MCTP1: variants seen among roughly 807,000 people sequenced by gnomAD.
MCTP1 encodes multiple C2 and transmembrane domain-containing protein 1.
Under a neutral mutation model 120.6 loss-of-function variants are expected in MCTP1, and 69 were observed. That is an observed-to-expected ratio of 0.57 (90% CI 0.47 to 0.70). MCTP1 has a LOEUF of 0.70. Ranked by LOEUF, MCTP1 falls within the 30% of genes least tolerant of loss-of-function variation. MCTP1 has a pLI of 0.00. For synonymous variants in MCTP1, 529 were observed against 493.1 expected (o/e 1.07, Z -0.96); for missense variants, 1,203 against 1,248.8 (o/e 0.96, Z 0.55).
At chr5:94,788,830 C>T (rs1189540302) in intron 18 of MCTP1, 1 of 152,168 alleles carries the variant, frequency 6.6e-6, no homozygotes, top group Non-Finnish European at 1.5e-5. Flanking sequence ...AGTCTTACAT[C>T]TCAATTACGG....
intron 19 of MCTP1, among the ~76,000 whole-genome samples, chr5:94,717,696 A>G (rs1759827370): frequency 6.6e-6 from 1 of 152,186 alleles, no homozygotes; most frequent in Admixed American, 6.5e-5. Context: ...ATCAATGTGC[A>G]AAAATTTCTA....
At chr5:94,953,401 G>T in intron 2 of MCTP1, 40 bp from the exon 3 acceptor site, 1 of 1,468,862 alleles carries the variant, frequency 6.8e-7, no homozygotes, top group Non-Finnish European at 9.1e-7. Flanking sequence ...ATCATGACTT[G>T]GTTTGGAAGC....
chr5:94,931,848 G>A (rs1013337877), intron 6 of MCTP1, 105 bp downstream of exon 6: 6 of 858,712 alleles, frequency 7.0e-6, no homozygotes, highest in African/African-American at 1.7e-5. Flanking sequence ...CAATTGAATA[G>A]TATGAAATCT....
At chr5:95,023,518 G>A (rs66648054) in intron 1 of MCTP1, among the ~76,000 whole-genome samples, 9,983 of 152,202 alleles carry the variant, frequency 0.066, 344 homozygotes, top group Middle Eastern at 0.089. Context: ...TGACACCCAC[G>A]GTAGACAGCA....
chr5:94,888,963 T>C lies in MCTP1; in HGVS notation c.1849A>G (p.Arg617Gly). 6.2e-7 allele frequency: 1 copy of C among 1,612,146 alleles called. No individual in the cohort carries two copies. Among genetic ancestry groups the C allele is most frequent in the Non-Finnish European group, 8.5e-7 (1 of 1,178,210 alleles). Reference sequence around the variant, plus strand: ...ACATCTTTCAGGTTGTGAAATATCCTCAATGGGCTCTGAAAGACCCCAACA... The same window carrying C: ...ACATCTTTCAGGTTGTGAAATATCCCCAATGGGCTCTGAAAGACCCCAACA... ...EEILKRYSPLRIFHNLKDVGF... is the reference protein window; with the variant it reads ...EEILKRYSPLGIFHNLKDVGF... Residue 617 changes from arginine (R) to glycine (G), a missense_variant, in exon 12 of 23, where the codon AGG becomes GGG. By Grantham distance (125) the Arg-to-Gly change is moderately radical (BLOSUM62 -2). Transcript: ENST00000515393.
intron 1 of MCTP1, among the ~76,000 whole-genome samples, chr5:95,125,034 G>C (rs1364783418): frequency 6.6e-6 from 1 of 152,136 alleles, no homozygotes; most frequent in Non-Finnish European, 1.5e-5. Context: ...AATGGACTTT[G>C]ATACTTAAAC....
chr5:94,901,308 A>AC (rs762668273), intron 10 of MCTP1, among the ~76,000 whole-genome samples: 13 of 152,124 alleles, frequency 8.5e-5, no homozygotes, highest in Admixed American at 2.6e-4. Context: ...CATGGGAAAG[A>AC]CCCACCCCAT....
chr5:94,946,215 T>C (rs962617034), intron 3 of MCTP1, among the ~76,000 whole-genome samples: 2 of 152,194 alleles, frequency 1.3e-5, no homozygotes, highest in African/African-American at 2.4e-5. Context: ...CCCAGGATGC[T>C]AATGGCCTGC....
intron 19 of MCTP1, among the ~76,000 whole-genome samples, chr5:94,766,849 T>A (rs994749722): frequency 1.1e-4 from 16 of 152,292 alleles, no homozygotes; most frequent in African/African-American, 3.8e-4. Context: ...TGATTAATTA[T>A]GGCAATTTAT....
chr5:95,245,292 G>A (rs78065967), intron 1 of MCTP1, among the ~76,000 whole-genome samples: 1,704 of 152,294 alleles, frequency 0.011, 15 homozygotes, highest in Middle Eastern at 0.031. Flanking sequence ...ACAGCTCCTC[G>A]CCAGCAAGGG....
chr5:94,975,936 C>A (rs1381919199), intron 2 of MCTP1, among the ~76,000 whole-genome samples: 1 of 152,136 alleles, frequency 6.6e-6, no homozygotes, highest in Non-Finnish European at 1.5e-5. Flanking sequence ...ATGTCTAGCA[C>A]AACTCCTGGG....
At chr5:95,025,294 G>A (rs1293964206) in intron 1 of MCTP1, among the ~76,000 whole-genome samples, 2 of 152,108 alleles carry the variant, frequency 1.3e-5, no homozygotes, top group African/African-American at 4.8e-5. Flanking sequence ...TTTTGATAGA[G>A]GTGTCAAGAA....
At chr5:94,760,468 T>C (rs1342791749) in intron 19 of MCTP1, among the ~76,000 whole-genome samples, 6 of 152,186 alleles carry the variant, frequency 3.9e-5, no homozygotes, top group African/African-American at 1.4e-4. Flanking sequence ...TATTTAAGTG[T>C]AGAATCACAA....
chr5:95,119,450 C>T (rs529114626), intron 1 of MCTP1, among the ~76,000 whole-genome samples: 1 of 152,136 alleles, frequency 6.6e-6, no homozygotes, highest in South Asian at 2.1e-4. Context: ...AATAGGCAAG[C>T]TAACAATGCA....
chr5:95,063,880 G>T (rs1229705671), intron 1 of MCTP1, among the ~76,000 whole-genome samples: 3 of 152,096 alleles, frequency 2.0e-5, no homozygotes, highest in Non-Finnish European at 4.4e-5. Context: ...ATCCACAAAA[G>T]TTGTTACCTC....
intron 19 of MCTP1, among the ~76,000 whole-genome samples, chr5:94,727,538 T>C (rs962680541): frequency 1.3e-5 from 2 of 152,200 alleles, no homozygotes; most frequent in East Asian, 3.8e-4. Context: ...CTGGATAATA[T>C]TTTTACATGA....
chr5:95,252,516 G>A (rs980427896), intron 1 of MCTP1, among the ~76,000 whole-genome samples: 1 of 152,074 alleles, frequency 6.6e-6, no homozygotes, highest in African/African-American at 2.4e-5. Context: ...TAAAGTAAAT[G>A]CTCTAAGAAA....
At chr5:95,237,682 C>T (rs1012944417) in intron 1 of MCTP1, among the ~76,000 whole-genome samples, 1 of 152,150 alleles carries the variant, frequency 6.6e-6, no homozygotes, top group Non-Finnish European at 1.5e-5. Flanking sequence ...TCCTTTGATT[C>T]ATTAATAAAA....
At chr5:94,772,912 G>A (rs1198148343) in intron 19 of MCTP1, among the ~76,000 whole-genome samples, 1 of 152,142 alleles carries the variant, frequency 6.6e-6, no homozygotes, top group Non-Finnish European at 1.5e-5. Flanking sequence ...ATATCCTTTA[G>A]CAATTCACTT....
Sources: allele counts gnomAD v4.1 joint callset (sites outside exome capture counted in the v4.1 genomes callset), GRCh38; gene constraint gnomAD v4.1.1; transcripts MANE v1.5; gene names NCBI Gene and HGNC (gene_info 2026-07-23, HGNC 2026-07-21).